Variants in SPATA6L observed in about 807,000 individuals in gnomAD.
SPATA6L encodes the protein spermatogenesis associated 6-like protein.
In SPATA6L, 68 loss-of-function variants were observed where a neutral mutation model predicts 49.2. The observed-to-expected ratio is 1.38, with a 90% CI of 1.14 to 1.69. The LOEUF (loss-of-function observed/expected upper bound fraction) is 1.69. SPATA6L is among the 40% of genes most tolerant of loss of function. The pLI is 0.00. For synonymous variants in SPATA6L, 198 were observed against 165.7 expected, an observed-to-expected ratio of 1.19 and a Z score of -1.50; for missense variants, 668 against 464.3, an observed-to-expected ratio of 1.44 and a Z score of -4.03.
intron 3 of SPATA6L, among the ~76,000 whole-genome samples, chr9:4,645,403 A>G (rs1835145882): frequency 6.6e-6 from 1 of 152,188 alleles, no homozygotes; most frequent in African/African-American, 2.4e-5. Flanking sequence ...ATGGAGGCTG[A>G]GAAGTCCATG....
At chr9:4,603,788 T>C (rs149338606) in intron 11 of SPATA6L, among the ~76,000 whole-genome samples, 6 of 151,934 alleles carry the variant, frequency 3.9e-5, no homozygotes, top group African/African-American at 9.7e-5. Context: ...TGTCGTGTCA[T>C]AGAAAATCAT....
At chr9:4,661,127 C>G (rs1666643889) in intron 2 of SPATA6L, among the ~76,000 whole-genome samples, 1 of 152,142 alleles carries the variant, frequency 6.6e-6, no homozygotes, top group Non-Finnish European at 1.5e-5. Flanking sequence ...TACCCTAGAA[C>G]TTAAAGTATA....
intron 9 of SPATA6L, among the ~76,000 whole-genome samples, chr9:4,605,926 G>T (rs527560427): frequency 6.6e-6 from 1 of 152,204 alleles, no homozygotes; most frequent in Non-Finnish European, 1.5e-5. Flanking sequence ...GGGAGTGCCA[G>T]ACAGTGGGCG....
chr9:4,638,444 C>A (rs73393852), intron 3 of SPATA6L, among the ~76,000 whole-genome samples: 1 of 152,164 alleles, frequency 6.6e-6, no homozygotes, highest in African/African-American at 2.4e-5. Flanking sequence ...AACTCCTGAC[C>A]TCAGGTGGTC....
At chr9:4,627,410 T>C (rs1470653478) in intron 5 of SPATA6L, 1 of 184,212 alleles carries the variant, frequency 5.4e-6, no homozygotes, top group Non-Finnish European at 1.1e-5. Context: ...TTGATAGATT[T>C]GCACAGATTA....
At chr9:4,664,594 G>T (rs781657068) in intron 1 of SPATA6L, 1 of 167,078 alleles carries the variant, frequency 6.0e-6, no homozygotes, top group Non-Finnish European at 1.5e-5. Flanking sequence ...ACTGGAGAAG[G>T]TATGTGCTTT....
chr9:4,655,972 A>G, intron 3 of SPATA6L, 69 bp downstream of exon 3: 2 of 1,176,988 alleles, frequency 1.7e-6, no homozygotes, highest in East Asian at 2.4e-5. Flanking sequence ...AGAAAAGAGC[A>G]GAGTTTTGAA....
chr9:4,661,476 G>C (rs947715196), intron 2 of SPATA6L, among the ~76,000 whole-genome samples: 4 of 151,722 alleles, frequency 2.6e-5, no homozygotes, highest in African/African-American at 7.3e-5. Flanking sequence ...TTTGTTACAG[G>C]ATTTTAGTTA....
rs1272420367 is a variant in SPATA6L, at chr9:4,656,454, A to G, written c.178-365T>C. On this transcript the variant is annotated intron_variant, in intron 2 of 11. Coordinates refer to ENST00000682582, the MANE Select transcript of SPATA6L (RefSeq NM_001353486.2). ...ACCCTGTGAAAGAAAGGAAGGAAGG[A>G]AGGAAGGAAGGAAGGAAGGAAGGAA... 2.3e-5 allele frequency among the ~76,000 whole-genome samples: 3 copies of G among 132,216 alleles called. No individual in the cohort carries two copies. The East Asian group carries it at 6.3e-4, about 28-fold the overall frequency. 86.7% of individuals were successfully genotyped at this position (132,216 alleles called of 152,430 possible).
chr9:4,643,897 T>C (rs184388284), intron 3 of SPATA6L, among the ~76,000 whole-genome samples: 97 of 152,034 alleles, frequency 6.4e-4, no homozygotes, highest in African/African-American at 2.3e-3. Flanking sequence ...ATTCCAGCTA[T>C]TCAGGAGGCT....
At chr9:4,629,755 A>ATATGTGTGTGTGTGTG (rs1554721565) in intron 4 of SPATA6L, among the ~76,000 whole-genome samples, 14 of 125,432 alleles carry the variant, frequency 1.1e-4, no homozygotes, top group African/African-American at 4.0e-4. Context: ...TGTTTTATAT[A>ATATGTGTGTGTGTGTG]TGTGTGTGTG....
chr9:4,644,158 G>A (rs1834705845), intron 3 of SPATA6L, among the ~76,000 whole-genome samples: 1 of 119,978 alleles, frequency 8.3e-6, no homozygotes, highest in Non-Finnish European at 1.6e-5. Context: ...ACCAGCCTAG[G>A]CAACATAGTA....
intron 3 of SPATA6L, among the ~76,000 whole-genome samples, chr9:4,646,026 C>T (rs894315088): frequency 6.6e-5 from 10 of 152,068 alleles, no homozygotes; most frequent in Admixed American, 3.9e-4. Flanking sequence ...TTCTAGTTCA[C>T]GGGCCATACA....
intron 13 of SPATA6L, among the ~76,000 whole-genome samples, chr9:4,590,469 A>G (rs1487085954): frequency 6.6e-6 from 1 of 152,170 alleles, no homozygotes; most frequent in Non-Finnish European, 1.5e-5. Context: ...GGTGACACTT[A>G]TGGTTTCATC....
At chr9:4,639,525 G>C (rs940714663) in intron 3 of SPATA6L, among the ~76,000 whole-genome samples, 34 of 152,164 alleles carry the variant, frequency 2.2e-4, no homozygotes, top group African/African-American at 6.5e-4. Context: ...CTCTGGTGTG[G>C]TCATTTTCTA....
At chr9:4,621,036 A>T (rs376279268) in intron 7 of SPATA6L, among the ~76,000 whole-genome samples, 16 of 152,220 alleles carry the variant, frequency 1.1e-4, no homozygotes, top group African/African-American at 3.9e-4. Flanking sequence ...TTTCCATAAG[A>T]GACTTAAAAG....
rs12338397 is a variant in SPATA6L at position 4,625,265 on chromosome 9, C to A, written c.669+62G>T. The A allele has an allele frequency of 2.1e-3, 3,216 of 1,531,802 alleles. 40 individuals carry two copies. In the African/African-American group the frequency reaches 0.032, roughly 15 times the overall value. 94.9% of individuals were successfully genotyped at this position (1,531,802 alleles called of 1,614,324 possible). On this transcript the variant is annotated intron_variant, in intron 6 of 11. Coordinates refer to ENST00000682582, the MANE Select transcript of SPATA6L (RefSeq NM_001353486.2). ...TGTTGTTATAACTCAACCTTCCTTT[C>A]TTCCACCCTCATCCATATCCTCACT...
At chr9:4,607,281 G>C (rs1825514787) in intron 9 of SPATA6L, among the ~76,000 whole-genome samples, 1 of 152,006 alleles carries the variant, frequency 6.6e-6, no homozygotes, top group Non-Finnish European at 1.5e-5. Context: ...TCAGATTCAG[G>C]AAATACAGAG....
intron 4 of SPATA6L, among the ~76,000 whole-genome samples, chr9:4,632,034 C>CTTTTTTTTTTTTTTTTTTTTTTTTTTTT: frequency 8.8e-6 from 1 of 113,022 alleles, no homozygotes; most frequent in Non-Finnish European, 1.7e-5. Flanking sequence ...ACATCAGCTA[C>CTTTTTTTTTTTTTTTTTTTTTTTTTTTT]TTTTTTTTTT....
Sources: allele counts gnomAD v4.1 joint callset (sites outside exome capture counted in the v4.1 genomes callset), GRCh38; gene constraint gnomAD v4.1.1; transcripts MANE v1.5; gene names NCBI Gene and HGNC (gene_info 2026-07-23, HGNC 2026-07-21).